The following DYM variants were observed in gnomAD, a reference collection of about 807,000 sequenced individuals.
DYM encodes the protein dymeclin.
DYM carries 78 observed loss-of-function variants against 93.1 expected under a neutral mutation model. That is an observed-to-expected ratio of 0.84 (90% CI 0.70 to 1.01). The LOEUF is 1.01. Ranked by LOEUF, DYM falls within the 50% of genes least tolerant of loss-of-function variation. The pLI is 0.00. For missense variants in DYM, 789 were observed against 845.0 expected (o/e 0.93, Z 0.82); for synonymous variants, 321 against 319.7 (o/e 1.00, Z -0.04).
rs1335592119 is a variant in DYM at position 49,040,438 on chromosome 18, A to G, written c.*3617T>C. 6.6e-6 allele frequency among the ~76,000 whole-genome samples: 1 copy of G among 152,208 alleles called. No individual in the cohort carries two copies. Among genetic ancestry groups the G allele is most frequent in the African/African-American group, 2.4e-5 (1 of 41,450 alleles). On this transcript the variant is annotated 3_prime_UTR_variant, in exon 18 of 18. Transcript: ENST00000675505. ...CTATACGCTAATGAGATTAAATTTT[A>G]TGCTTTAATTCATACAAAATAAATA...
chr18:49,227,238 A>C (rs1401896863), intron 13 of DYM, among the ~76,000 whole-genome samples: 3 of 152,150 alleles, frequency 2.0e-5, no homozygotes, highest in Non-Finnish European at 4.4e-5. Flanking sequence ...CTTCCTAAAA[A>C]ACTGAGCTCT....
Position 49,112,562 on chromosome 18 carries a change from A to G in DYM, c.1911+6182T>C, listed in dbSNP as rs377064567. 3.3e-5 allele frequency among the ~76,000 whole-genome samples: 5 copies of G among 152,178 alleles called. No homozygotes were observed. In the East Asian group the frequency reaches 5.8e-4, roughly 18 times the overall value. On this transcript the variant is annotated intron_variant, in intron 16 of 17. Coordinates refer to ENST00000675505, the MANE Select transcript of DYM (RefSeq NM_001353214.3). ...TCAGCTCATTGATAGGTTCAAGAAAAGTTATGATTTTGTAGTTTACCTCTT... is the reference window on the plus strand; with the variant it reads ...TCAGCTCATTGATAGGTTCAAGAAAGGTTATGATTTTGTAGTTTACCTCTT...
intron 6 of DYM, 68 bp from the exon 7 acceptor site, chr18:49,333,921 A>G: frequency 6.8e-7 from 1 of 1,481,394 alleles, no homozygotes; most frequent in Non-Finnish European, 9.3e-7. Context: ...TTCTAAATGA[A>G]CTATACATTT....
intron 13 of DYM, among the ~76,000 whole-genome samples, chr18:49,228,297 C>A (rs1307406768): frequency 6.6e-6 from 1 of 152,102 alleles, no homozygotes; most frequent in African/African-American, 2.4e-5. Flanking sequence ...TTAGGCTGGG[C>A]TGGGATTCAG....
chr18:49,329,275 G>A (rs1314239162), intron 8 of DYM, among the ~76,000 whole-genome samples: 2 of 137,472 alleles, frequency 1.5e-5, no homozygotes, highest in African/African-American at 2.7e-5. Flanking sequence ...CACACACTGG[G>A]GCCTGTTGTG....
At chr18:49,348,790 T>A (rs1358799842) in intron 6 of DYM, among the ~76,000 whole-genome samples, 2 of 150,302 alleles carry the variant, frequency 1.3e-5, no homozygotes, top group Non-Finnish European at 2.9e-5. Flanking sequence ...ACACCTGTAA[T>A]CCCAGCTACT....
At chr18:49,093,289 T>C (rs1167550550) in intron 17 of DYM, 1 of 152,196 alleles carries the variant, frequency 6.6e-6, no homozygotes, top group Non-Finnish European at 1.5e-5. Flanking sequence ...AAGGACTCTG[T>C]CCACCTGACG....
At chr18:49,184,148 C>A (rs1288974304) in intron 14 of DYM, among the ~76,000 whole-genome samples, 2 of 152,118 alleles carry the variant, frequency 1.3e-5, no homozygotes, top group Admixed American at 6.5e-5. Flanking sequence ...TGAGGCAGTT[C>A]CTCTCTTCCC....
intron 14 of DYM, among the ~76,000 whole-genome samples, chr18:49,180,860 C>G (rs773574500): frequency 3.3e-5 from 5 of 152,004 alleles, no homozygotes; most frequent in African/African-American, 1.2e-4. Flanking sequence ...ATGTAAAAAC[C>G]CTTAAGAGAG....
intron 1 of DYM, among the ~76,000 whole-genome samples, chr18:49,444,614 A>C (rs558711691): frequency 5.9e-5 from 9 of 152,196 alleles, no homozygotes; most frequent in African/African-American, 2.2e-4. Context: ...CCAAAATCAA[A>C]TATTTCCAGC....
chr18:49,167,327 A>C (rs764844400), intron 14 of DYM, among the ~76,000 whole-genome samples: 1 of 152,078 alleles, frequency 6.6e-6, no homozygotes, highest in African/African-American at 2.4e-5. Context: ...TAAGGACACA[A>C]ATGTTGAAAT....
chr18:49,100,980 A>G (rs908473970), intron 16 of DYM, among the ~76,000 whole-genome samples: 2 of 152,220 alleles, frequency 1.3e-5, no homozygotes, highest in African/African-American at 4.8e-5. Context: ...AACCTTTCAG[A>G]TGTTGTCTGA....
At chr18:49,074,154 G>T (rs2077118253) in intron 17 of DYM, among the ~76,000 whole-genome samples, 1 of 152,166 alleles carries the variant, frequency 6.6e-6, no homozygotes, top group Admixed American at 6.5e-5. Context: ...TGTATCCATA[G>T]GTTTCGCATC....
chr18:49,129,430 A>T (rs927660494), intron 15 of DYM, among the ~76,000 whole-genome samples: 2 of 152,236 alleles, frequency 1.3e-5, no homozygotes, highest in Non-Finnish European at 2.9e-5. Context: ...AGGCAACCAG[A>T]TAAATGAATT....
At chr18:49,218,054 A>G (rs2093162299) in intron 13 of DYM, among the ~76,000 whole-genome samples, 1 of 152,278 alleles carries the variant, frequency 6.6e-6, no homozygotes, top group South Asian at 2.1e-4. Context: ...AAAAGGATGG[A>G]GGAAGATCTA....
At chr18:49,143,049 A>G (rs1300850761) in intron 15 of DYM, among the ~76,000 whole-genome samples, 1 of 152,228 alleles carries the variant, frequency 6.6e-6, no homozygotes, top group Non-Finnish European at 1.5e-5. Flanking sequence ...TCATATTTGA[A>G]TACAATCATA....
At chr18:49,421,643 G>A (rs112223610) in intron 2 of DYM, among the ~76,000 whole-genome samples, 13,893 of 152,254 alleles carry the variant, frequency 0.091, 853 homozygotes, top group East Asian at 0.31. Flanking sequence ...AAAGCTGGAC[G>A]GAGAATGACT....
chr18:49,292,262 G>A (rs1241291535), intron 8 of DYM, among the ~76,000 whole-genome samples: 1 of 150,804 alleles, frequency 6.6e-6, no homozygotes, highest in African/African-American at 2.4e-5. Context: ...CATTTTATTG[G>A]GAAGCTTCTC....
At chr18:49,112,133 T>TCCCCTCCACACCCCCA (rs2081473571) in intron 16 of DYM, among the ~76,000 whole-genome samples, 1 of 101,734 alleles carries the variant, frequency 9.8e-6, no homozygotes, top group Non-Finnish European at 2.4e-5. Context: ...CGCACCCCCC[T>TCCCCTCCACACCCCCA]CCCCTCCGCA....
Sources: allele counts gnomAD v4.1 joint callset (sites outside exome capture counted in the v4.1 genomes callset), GRCh38; gene constraint gnomAD v4.1.1; transcripts MANE v1.5; gene names NCBI Gene and HGNC (gene_info 2026-07-23, HGNC 2026-07-21).